The following KIF27 variants were observed in gnomAD, a reference collection of about 807,000 sequenced individuals.
The protein encoded by KIF27 is kinesin-like protein KIF27.
KIF27 carries 84 observed loss-of-function variants against 141.8 expected under a neutral mutation model. The ratio of observed to expected loss-of-function variants is 0.59; its 90% confidence interval spans 0.50 to 0.71. The LOEUF is 0.71. Among genes scored for constraint, KIF27 ranks in the 30% least tolerant of loss-of-function variants. The probability of loss-of-function intolerance (pLI) is 0.00; values close to 1 mark genes in which losing one functional copy is unlikely to be tolerated. For missense variants in KIF27, 1,306 were observed against 1,628.4 expected (o/e 0.80, Z 3.41); for synonymous variants, 471 against 569.5 (o/e 0.83, Z 2.46).
chr9:83,909,551 T>G (rs936853396), intron 2 of KIF27, among the ~76,000 whole-genome samples: 1 of 150,264 alleles, frequency 6.7e-6, no homozygotes, highest in Non-Finnish European at 1.5e-5. Context: ...GAGGTGGAGG[T>G]TGCAGTGAGC....
At chr9:83,892,180 T>C (rs1952746609) in intron 5 of KIF27, among the ~76,000 whole-genome samples, 1 of 152,214 alleles carries the variant, frequency 6.6e-6, no homozygotes, top group African/African-American at 2.4e-5. Context: ...CACAAATTTA[T>C]GTAAATAAGA....
intron 1 of KIF27, among the ~76,000 whole-genome samples, chr9:83,920,787 G>A (rs1405320241): frequency 1.3e-5 from 2 of 152,130 alleles, no homozygotes; most frequent in Non-Finnish European, 2.9e-5. Context: ...CTCCGAGGGA[G>A]GGAGCTCTCG....
intron 13 of KIF27, among the ~76,000 whole-genome samples, chr9:83,863,988 T>C (rs984931018): frequency 6.6e-6 from 1 of 152,176 alleles, no homozygotes; most frequent in African/African-American, 2.4e-5. Context: ...TATTCTCTGA[T>C]GGTAGTTTGT....
At chr9:83,857,431 GA>G (rs1949359050) in intron 14 of KIF27, among the ~76,000 whole-genome samples, 1 of 152,130 alleles carries the variant, frequency 6.6e-6, no homozygotes, top group African/African-American at 2.4e-5. Context: ...CCATGTGGAA[GA>G]AAGGTGCATA....
At chr9:83,910,748 G>C (rs1259299733) in intron 2 of KIF27, among the ~76,000 whole-genome samples, 1 of 152,158 alleles carries the variant, frequency 6.6e-6, no homozygotes, top group Non-Finnish European at 1.5e-5. Context: ...ACACAGACCG[G>C]TACCATAACA....
At chr9:83,902,004 T>A (rs1588253086) in intron 4 of KIF27, among the ~76,000 whole-genome samples, 1 of 152,316 alleles carries the variant, frequency 6.6e-6, no homozygotes, top group East Asian at 1.9e-4. Flanking sequence ...ACAGTAAATA[T>A]CAACAGATAT....
At chr9:83,878,161 CAAAAAAAAAAAA>C (rs58897060) in intron 11 of KIF27, among the ~76,000 whole-genome samples, 114 of 38,470 alleles carry the variant, frequency 3.0e-3, no homozygotes, top group South Asian at 9.0e-3. Context: ...GACTCTGTCT[CAAAAAAAAAAAA>C]AAAAAAAAAA....
chr9:83,882,487 C>T (rs1435654382), intron 10 of KIF27, among the ~76,000 whole-genome samples: 1 of 152,126 alleles, frequency 6.6e-6, no homozygotes, highest in Admixed American at 6.5e-5. Context: ...CTAAAAATGC[C>T]CACTTCAAAG....
intron 13 of KIF27, chr9:83,859,719 G>A (rs2131865417): frequency 4.3e-6 from 1 of 231,596 alleles, no homozygotes; most frequent in East Asian, 1.2e-4. Flanking sequence ...TTTTAGTAGA[G>A]ACAGGGTTTT....
chr9:83,852,793 T>A (rs969724063), intron 15 of KIF27, among the ~76,000 whole-genome samples: 2 of 152,146 alleles, frequency 1.3e-5, no homozygotes, highest in African/African-American at 4.8e-5. Context: ...CATACCCGGC[T>A]AATTTTGGTA....
Position 83,903,269 on chromosome 9 carries a change from C to A in KIF27, c.1249G>T (p.Glu417Ter). Reference protein sequence around the residue: ...ECLGYQCCVEEAFTFLVDLKD... With the variant: ...ECLGYQCCVE ...AGGTCAACCAGGAAGGTAAAGGCTT[C>A]TTCTACACAACACTGGTAACCCAGA... Residue 417 changes from glutamate to a stop codon, truncating the protein, a stop_gained, in exon 4 of 18, where the codon GAA becomes TAA. Transcript: ENST00000297814. LOFTEE classifies it high-confidence loss of function. 1.9e-6 allele frequency: 3 copies of A among 1,614,208 alleles called. No individual in the cohort carries two copies. The highest frequency in any genetic ancestry group is 2.5e-6 in the Non-Finnish European group (3 of 1,180,044).
At chr9:83,844,634 A>G (rs7026905) in intron 16 of KIF27, among the ~76,000 whole-genome samples, 2 of 152,220 alleles carry the variant, frequency 1.3e-5, no homozygotes, top group African/African-American at 4.8e-5. Context: ...TTCACTGCTC[A>G]TGAGAGGCAA....
At chr9:83,884,165 C>A (rs1298708855) in intron 9 of KIF27, 147 bp from the exon 10 acceptor site, 4 of 540,516 alleles carry the variant, frequency 7.4e-6, no homozygotes, top group Admixed American at 3.5e-5. Context: ...CCCCACCCAC[C>A]CCCATCAAAC....
chr9:83,847,714 C>T (rs913392342), intron 16 of KIF27: 3 of 152,088 alleles, frequency 2.0e-5, no homozygotes, highest in Non-Finnish European at 4.4e-5. Context: ...ATCTAATAAG[C>T]TGCCAATGAA....
Position 83,837,128 on chromosome 9 carries a change from C to T in KIF27, c.4079G>A (p.Arg1360Gln), listed in dbSNP as rs761977367. Residue 1360 changes from arginine to glutamine, a missense_variant, in exon 18 of 18, where the codon CGA becomes CAA. By Grantham distance (43) the Arg-to-Gln change is conservative (BLOSUM62 1). Transcript: ENST00000297814. ...GGCGGAAATTTGACGTAATTCTTTTCGACACAGTTTTACAGGTGTGACACC... is the reference window on the plus strand; with the variant it reads ...GGCGGAAATTTGACGTAATTCTTTTTGACACAGTTTTACAGGTGTGACACC... Reference protein sequence around the residue: ...LHGVTPVKLCRKELRQISALE... With the variant: ...LHGVTPVKLCQKELRQISALE... 6 of 1,614,038 alleles carry T rather than the reference C, an allele frequency of 3.7e-6. No homozygotes were observed. The highest frequency in any genetic ancestry group is 3.3e-5 in the South Asian group (3 of 91,058).
chr9:83,864,389 G>A (rs1052588547), intron 13 of KIF27, among the ~76,000 whole-genome samples: 1 of 152,084 alleles, frequency 6.6e-6, no homozygotes, highest in African/African-American at 2.4e-5. Flanking sequence ...GTTCTTGTTG[G>A]TTTCAAAGAA....
At chr9:83,892,891 T>C (rs1952814212) in intron 5 of KIF27, among the ~76,000 whole-genome samples, 1 of 152,158 alleles carries the variant, frequency 6.6e-6, no homozygotes, top group Admixed American at 6.5e-5. Flanking sequence ...AGCTTCAATA[T>C]TTGTAGTGCA....
chr9:83,848,109 C>CATATATGAT (rs375222138), intron 16 of KIF27, among the ~76,000 whole-genome samples: 1 of 24,504 alleles, frequency 4.1e-5, no homozygotes, highest in Admixed American at 2.8e-4. Flanking sequence ...TATGATATCT[C>CATATATGAT]ATATCTGATA....
chr9:83,916,667 T>C (rs1777827028), intron 1 of KIF27, among the ~76,000 whole-genome samples: 1 of 150,030 alleles, frequency 6.7e-6, no homozygotes, highest in Non-Finnish European at 1.5e-5. Context: ...GAACACTTTT[T>C]TTTTTTTTTT....
Sources: gnomAD v4.1 joint callset for allele counts (sites outside exome capture counted in the v4.1 genomes callset) on GRCh38, gnomAD v4.1.1 for gene constraint, MANE v1.5 for transcripts, NCBI Gene and HGNC (gene_info 2026-07-23, HGNC 2026-07-21) for gene names.